Variants in CCT7 observed in about 807,000 individuals in gnomAD.
CCT7 encodes the protein T-complex protein 1 subunit eta.
In CCT7, 16 loss-of-function variants were observed where a neutral mutation model predicts 56.6. That is an observed-to-expected ratio of 0.28 (90% CI 0.19 to 0.43). The LOEUF (loss-of-function observed/expected upper bound fraction) is 0.43. CCT7 is among the 20% of genes least tolerant of loss of function. The pLI, the probability that CCT7 is intolerant of heterozygous loss-of-function variation, is 1.00. For missense variants in CCT7, 519 were observed against 685.6 expected (o/e 0.76, Z 2.71); for synonymous variants, 262 against 254.8 (o/e 1.03, Z -0.27).
intron 6 of CCT7, among the ~76,000 whole-genome samples, chr2:73,246,196 T>C (rs1211886266): frequency 4.6e-5 from 7 of 152,238 alleles, no homozygotes; most frequent in Admixed American, 4.6e-4. Flanking sequence ...AATTTTCTGA[T>C]CCATATCTTT....
At chr2:73,249,284 G>T in intron 8 of CCT7, 105 bp downstream of exon 8, 1 of 875,818 alleles carries the variant, frequency 1.1e-6, no homozygotes, top group Non-Finnish European at 1.7e-6. Flanking sequence ...TGTGAATTGA[G>T]CCCTGTTTTT....
At chr2:73,238,787 T>A (rs1205959790) in intron 1 of CCT7, among the ~76,000 whole-genome samples, 1 of 152,226 alleles carries the variant, frequency 6.6e-6, no homozygotes, top group Non-Finnish European at 1.5e-5. Flanking sequence ...TTTGCTAAGC[T>A]GAGAAATTGC....
Position 73,243,058 on chromosome 2 carries a change from G to T in CCT7, c.322G>T (p.Val108Leu), listed in dbSNP as rs570831801. The T allele has an allele frequency of 9.3e-6, 15 of 1,614,012 alleles. No individual in the cohort carries two copies. In the South Asian group the frequency reaches 1.5e-4, roughly 17 times the overall value. The change falls in exon 4 of 12, where the codon GTG becomes TTG. Residue 108 changes from valine (V) to leucine (L), a missense_variant. Physicochemically the swap from Val to Leu is conservative, Grantham distance 32. Around this residue, in one of 3 missense-constraint regions of CCT7, gnomAD observed 276 missense variants for 357.3 expected, o/e 0.77. Transcript: ENST00000258091. ...GCTGGCTGCAGAGTTTCTGAAGCAG[G>T]TGAAACCCTATGTGGAGGAAGGTTT... ...TLLAAEFLKQVKPYVEEGLHP... is the reference protein window; with the variant it reads ...TLLAAEFLKQLKPYVEEGLHP...
At chr2:73,252,578 G>C in intron 11 of CCT7, 62 bp from the exon 12 acceptor site, 1 of 1,362,466 alleles carries the variant, frequency 7.3e-7, no homozygotes, top group South Asian at 1.2e-5. Flanking sequence ...TGGAGTACCA[G>C]TTTACAAGAG....
intron 1 of CCT7, among the ~76,000 whole-genome samples, chr2:73,238,768 G>T (rs930515538): frequency 3.3e-5 from 5 of 152,204 alleles, no homozygotes; most frequent in Non-Finnish European, 5.9e-5. Flanking sequence ...TGGAGAGAAA[G>T]TAGTCTGGTT....
At chr2:73,249,679 T>G in intron 8 of CCT7, 140 bp from the exon 9 acceptor site, 1 of 665,090 alleles carries the variant, frequency 1.5e-6, no homozygotes, top group Non-Finnish European at 2.7e-6. Context: ...GGGGGAAGGG[T>G]CGCCTGGAAG....
chr2:73,244,026 G>A lies in CCT7; in HGVS notation c.423G>A (p.Val141=), dbSNP rs1687223751. 1.2e-6 allele frequency: 2 copies of A among 1,612,790 alleles called. No homozygotes were observed. The highest frequency in any genetic ancestry group is 8.5e-7 in the Non-Finnish European group (1 of 1,179,648). ...TTAACAAGATCAAAGAGATTGCTGT[G>A]ACCGTGAAGAAGGCAGATAAAGTGT... is the stretch of plus-strand genomic sequence containing the variant. ...LAVNKIKEIA[V]TVKKADKVEQ... The change falls in exon 5 of 12, where the codon GTG becomes GTA. Residue 141 remains valine (V), a synonymous_variant. Transcript: ENST00000258091.
chr2:73,239,327 G>T (rs1687006204), intron 1 of CCT7: 2 of 239,604 alleles, frequency 8.3e-6, no homozygotes, highest in South Asian at 1.4e-4. Context: ...AGCACAGGGA[G>T]TAAGGTCAGA....
chr2:73,252,324 GATATATATATAT>G (rs57359293), intron 11 of CCT7, among the ~76,000 whole-genome samples: 2 of 127,320 alleles, frequency 1.6e-5, no homozygotes, highest in Admixed American at 7.8e-5. Flanking sequence ...CTCATTGTTT[GATATATATATAT>G]ATATATATAT....
Position 73,240,550 on chromosome 2 carries a change from A to G in CCT7, c.267+7A>G, listed in dbSNP as rs761597834. On this transcript the variant is annotated splice_region_variant and intron_variant, in intron 3 of 11. Coordinates refer to ENST00000258091, the MANE Select transcript of CCT7 (RefSeq NM_006429.4). The stretch of plus-strand genomic sequence containing the variant: ...CAAATCCCAAGATGCTGAGGTAGGA[A>G]AATAGTTGTGTGTTTAAATGGAGGT... 6.2e-4 allele frequency: 394 copies of G among 636,580 alleles called. No homozygotes were observed. The highest frequency in any genetic ancestry group is 8.2e-4 in the Non-Finnish European group (368 of 447,614). 39.4% of individuals were successfully genotyped at this position (636,580 alleles called of 1,614,324 possible).
chr2:73,243,718 C>T (rs756900683), intron 4 of CCT7: 10 of 376,090 alleles, frequency 2.7e-5, no homozygotes, highest in South Asian at 7.0e-5. Context: ...TCCACTCATT[C>T]GTTGTAGCGT....
chr2:73,244,982 A>T (rs1687271217), intron 6 of CCT7, among the ~76,000 whole-genome samples: 1 of 152,156 alleles, frequency 6.6e-6, no homozygotes, highest in Non-Finnish European at 1.5e-5. Context: ...TGGGTGGTGG[A>T]GGGGTAGTAG....
At chr2:73,252,384 A>G (rs1687632231) in intron 11 of CCT7, among the ~76,000 whole-genome samples, 1 of 149,118 alleles carries the variant, frequency 6.7e-6, no homozygotes, top group Admixed American at 6.7e-5. Context: ...GGGCCGCCCC[A>G]AAACACAACA....
At chr2:73,247,160 G>A (rs1484932436) in intron 6 of CCT7, among the ~76,000 whole-genome samples, 1 of 152,136 alleles carries the variant, frequency 6.6e-6, no homozygotes, top group East Asian at 1.9e-4. Context: ...GAGGTCTGAG[G>A]AGCTGCAGTG....
chr2:73,240,438 C>T lies in CCT7; in HGVS notation c.162C>T (p.Gly54=). Residue 54 remains glycine, a splice_region_variant and synonymous_variant, in exon 3 of 12, where the codon GGC becomes GGT. Coordinates refer to ENST00000258091, the MANE Select transcript of CCT7 (RefSeq NM_006429.4). ...GMDKLIVDGR[G]KATISNDGAT... is the part of the protein sequence containing the mutation. ...AGATTTTTGTTTGTTTCTTTTAAGGCAAAGCAACAATTTCTAATGATGGGG... is the reference window on the plus strand; with the variant it reads ...AGATTTTTGTTTGTTTCTTTTAAGGTAAAGCAACAATTTCTAATGATGGGG... 1.2e-6 allele frequency: 2 copies of T among 1,607,712 alleles called. No individual in the cohort carries two copies. The highest frequency in any genetic ancestry group is 1.7e-6 in the Non-Finnish European group (2 of 1,176,172).
chr2:73,249,939 G>A, intron 9 of CCT7, 23 bp downstream of exon 9: 1 of 1,522,500 alleles, frequency 6.6e-7, no homozygotes, highest in Non-Finnish European at 9.1e-7. Flanking sequence ...CCCAGGCCGA[G>A]CTCACAAACC....
At chr2:73,250,006 C>G in intron 9 of CCT7, 90 bp downstream of exon 9, 1 of 926,800 alleles carries the variant, frequency 1.1e-6, no homozygotes, top group Non-Finnish European at 1.8e-6. Context: ...TTTACAAAGT[C>G]TCACCTTTGT....
chr2:73,243,009 T>G lies in CCT7; in HGVS notation c.273T>G (p.Gly91=), dbSNP rs1349805157. 1 of 1,613,724 alleles carries G rather than the reference T, an allele frequency of 6.2e-7. No homozygotes were observed. The highest frequency in any genetic ancestry group is 8.5e-7 in the Non-Finnish European group (1 of 1,179,886). ...DIAKSQDAEV[G]DGTTSVTLLA... is the part of the protein sequence containing the mutation. ...TTCCTGTCATCATCTTCCAGGTGGG[T>G]GATGGCACCACCTCAGTGACCTTGC... Residue 91 remains glycine, a synonymous_variant, in exon 4 of 12, where the codon GGT becomes GGG. Transcript: ENST00000258091.
Position 73,244,625 on chromosome 2 carries a change from T to C in CCT7, c.528T>C (p.Ala176=), listed in dbSNP as rs902183253. ...KLISQQKAFF[A]KMVVDAVMML... ...TCTCCCAGCAGAAAGCTTTCTTTGCTAAGATGGTGGTGGATGCAGTGATGA... is the reference window on the plus strand; with the variant it reads ...TCTCCCAGCAGAAAGCTTTCTTTGCCAAGATGGTGGTGGATGCAGTGATGA... The change falls in exon 6 of 12, where the codon GCT becomes GCC. Residue 176 remains alanine (A), a synonymous_variant. Transcript: ENST00000258091. 2 of 1,613,722 alleles carry C rather than the reference T, an allele frequency of 1.2e-6. No individual in the cohort carries two copies. The highest frequency in any genetic ancestry group is 3.3e-5 in the Admixed American group (2 of 59,996).
Sources: gnomAD v4.1 joint callset for allele counts (sites outside exome capture counted in the v4.1 genomes callset) on GRCh38, gnomAD v4.1.1 for gene constraint, gnomAD v4.1.1 regional missense constraint, MANE v1.5 for transcripts, NCBI Gene and HGNC (gene_info 2026-07-23, HGNC 2026-07-21) for gene names.